Variants in TPX2 observed in about 807,000 individuals in gnomAD.
TPX2 encodes TPX2 microtubule nucleation factor.
A neutral mutation model predicts 93.6 loss-of-function variants in TPX2; 21 were observed. The ratio of observed to expected loss-of-function variants is 0.22; its 90% CI spans 0.16 to 0.32. The LOEUF (loss-of-function observed/expected upper bound fraction) is 0.32, where lower values mean the gene tolerates loss of function less well. Among genes scored for constraint, TPX2 ranks in the 10% least tolerant of loss-of-function variants. The pLI is 1.00. For missense variants in TPX2, 776 were observed against 871.1 expected, an observed-to-expected ratio of 0.89 and a Z score of 1.37; for synonymous variants, 281 against 298.3, an observed-to-expected ratio of 0.94 and a Z score of 0.60.
At position 31,801,743 on chromosome 20, in the gene TPX2, A is replaced by G. The variant is rs532493443; in HGVS notation, c.*663A>G. On this transcript the variant is annotated 3_prime_UTR_variant, in exon 18 of 18. Coordinates refer to ENST00000300403, the MANE Select transcript of TPX2 (RefSeq NM_012112.5). ...TTACTGGTGCTGATAACAACAGGGA[A>G]CCGTGCAGTGTGCATTTTAAGACCT... 1 of 152,352 alleles carries G rather than the reference A, an allele frequency of 6.6e-6. No homozygotes were observed. Among genetic ancestry groups the G allele is most frequent in the Admixed American group, 6.5e-5 (1 of 15,306 alleles). The allele number at this position is 152,352 out of a possible 1,614,324, so 9.4% of individuals were successfully genotyped here. A position where few individuals can be genotyped will look rare whatever the true frequency, so the allele number is the denominator to read the frequency against.
intron 2 of TPX2, among the ~76,000 whole-genome samples, chr20:31,744,512 A>C (rs1230254462): frequency 1.3e-5 from 2 of 151,632 alleles, no homozygotes; most frequent in South Asian, 4.2e-4. Context: ...GTCATTAATA[A>C]ATTTTCTTCT....
In TPX2 at chr20:31,783,834, G is replaced by T. The variant is rs2062049433; in HGVS notation, c.1326G>T (p.Gln442His). ...GFDLEIEKRIQERESKKKTED... is the reference protein window; with the variant it reads ...GFDLEIEKRIHERESKKKTED... The stretch of plus-strand genomic sequence containing the variant: ...ATTTGGAAATTGAGAAAAGAATCCA[G>T]GAGCGAGAATCAAAGAAGAAAACAG... Residue 442 changes from glutamine (Q) to histidine (H), a missense_variant, in exon 12 of 18, where the codon CAG (glutamine) becomes CAT (histidine). Transcript: ENST00000300403. The T allele has an allele frequency of 6.2e-7, 1 of 1,610,504 alleles. No homozygotes were observed. The highest frequency in any genetic ancestry group is 8.5e-7 in the Non-Finnish European group (1 of 1,179,320).
intron 17 of TPX2, among the ~76,000 whole-genome samples, 155 bp from the exon 18 acceptor site, chr20:31,800,815 C>G (rs140195709): frequency 2.0e-5 from 3 of 152,172 alleles, no homozygotes; most frequent in African/African-American, 7.2e-5. Context: ...TCCATCATAC[C>G]GTGTTGCCCC....
chr20:31,796,537 C>T (rs1219478391), intron 15 of TPX2, among the ~76,000 whole-genome samples: 6 of 152,202 alleles, frequency 3.9e-5, no homozygotes, highest in Non-Finnish European at 2.9e-5. Context: ...AGGCTCCTCT[C>T]TTTGCATTTT....
At chr20:31,740,832 A>C (rs1459438850) in intron 1 of TPX2, among the ~76,000 whole-genome samples, 1 of 152,160 alleles carries the variant, frequency 6.6e-6, no homozygotes, top group African/African-American at 2.4e-5. Flanking sequence ...TTAGACAGGG[A>C]CTGAAACAAT....
At chr20:31,773,458 A>G (rs1295080785) in intron 7 of TPX2, among the ~76,000 whole-genome samples, 1 of 149,524 alleles carries the variant, frequency 6.7e-6, no homozygotes, top group East Asian at 2.0e-4. Context: ...GCCCCGGCTA[A>G]TTTTTGTATT....
At position 31,771,568 on chromosome 20, in the gene TPX2, A is replaced by G. The variant is rs2061964550; in HGVS notation, c.494A>G (p.Asn165Ser). The G allele has an allele frequency of 6.2e-7, 1 of 1,611,214 alleles. No individual in the cohort carries two copies. The highest frequency in any genetic ancestry group is 8.5e-7 in the Non-Finnish European group (1 of 1,179,332). The change falls in exon 7 of 18, where the codon AAC becomes AGC. Residue 165 changes from asparagine to serine, a missense_variant. Physicochemically the swap from Asn to Ser is conservative, Grantham distance 46 (BLOSUM62 1). Transcript: ENST00000300403. ...GTCCTTTTGAACTCAAGTTCTAACA[A>G]CAAAAAGAAGCCAGAGGAAGAAGGC... The part of the protein sequence containing the change: ...LPSKKMKVSN[N>S]KKKPEEEGSA...
intron 2 of TPX2, among the ~76,000 whole-genome samples, chr20:31,750,972 A>G (rs975418054): frequency 6.6e-6 from 1 of 152,024 alleles, no homozygotes; most frequent in Non-Finnish European, 1.5e-5. Flanking sequence ...CAGTGGTGCA[A>G]TCGTGGGTCA....
intron 2 of TPX2, among the ~76,000 whole-genome samples, chr20:31,755,755 C>T (rs1307650985): frequency 2.0e-5 from 3 of 149,700 alleles, no homozygotes; most frequent in Middle Eastern, 3.4e-3. Context: ...AGTGAGACTC[C>T]GTCTCAAAAA....
intron 11 of TPX2, 71 bp downstream of exon 11, chr20:31,782,461 G>GT: frequency 6.6e-7 from 1 of 1,521,800 alleles, no homozygotes. Context: ...TTCTGTTAGG[G>GT]TGACAGTTGC....
chr20:31,739,986 A>C (rs543649703), intron 1 of TPX2, among the ~76,000 whole-genome samples: 3 of 152,212 alleles, frequency 2.0e-5, no homozygotes, highest in Non-Finnish European at 4.4e-5. Flanking sequence ...GTTGTCTTCT[A>C]TTTGGGATTT....
rs58919593 is a variant in TPX2 at position 31,766,941 on chromosome 20, A to T, written c.356+259A>T. Among the ~76,000 whole-genome samples the T allele has an allele frequency of 3.3e-5, 5 of 151,610 alleles. No individual in the cohort carries two copies. The East Asian group carries it at 9.7e-4, about 30-fold the overall frequency. The stretch of plus-strand genomic sequence containing the variant: ...CTCAGCCTCCTGAGTAGCTGGGATT[A>T]TAGGCACCTGCCACCACACCCGGCT... On this transcript the variant is annotated intron_variant, in intron 5 of 17. Transcript: ENST00000300403.
intron 2 of TPX2, among the ~76,000 whole-genome samples, chr20:31,756,307 T>C (rs537337885): frequency 6.6e-6 from 1 of 152,308 alleles, no homozygotes; most frequent in Middle Eastern, 3.4e-3. Flanking sequence ...CAAAGCACAA[T>C]TGGCTTTGGA....
At chr20:31,756,128 A>T (rs1301255609) in intron 2 of TPX2, among the ~76,000 whole-genome samples, 1 of 152,246 alleles carries the variant, frequency 6.6e-6, no homozygotes, top group Non-Finnish European at 1.5e-5. Context: ...CTTACTATGT[A>T]TAATGCACTG....
chr20:31,758,513 A>G (rs1346666140), intron 3 of TPX2, among the ~76,000 whole-genome samples: 2 of 152,216 alleles, frequency 1.3e-5, no homozygotes, highest in South Asian at 2.1e-4. Flanking sequence ...ATGTGGTTAC[A>G]TTTTTACATT....
At chr20:31,752,297 G>A (rs903192995) in intron 2 of TPX2, among the ~76,000 whole-genome samples, 3 of 152,166 alleles carry the variant, frequency 2.0e-5, no homozygotes, top group Non-Finnish European at 4.4e-5. Flanking sequence ...CTGTTTTCAG[G>A]AAAGAAAATT....
Position 31,770,236 on chromosome 20 carries a change from C to T in TPX2, c.357-107C>T, listed in dbSNP as rs902761522. On this transcript the variant is annotated intron_variant, in intron 5 of 17. Transcript: ENST00000300403. ...TTTTAGAGCAGAGATAATAGCACTC[C>T]ATTTTATTGCCCTTTGTAGTTTGAC... The T allele has an allele frequency of 7.0e-6, 5 of 712,148 alleles. No individual in the cohort carries two copies. The African/African-American group carries it at 7.4e-5, about 11-fold the overall frequency. The allele number at this position is 712,148 out of a possible 1,614,324, so 44.1% of individuals were successfully genotyped here.
At chr20:31,751,503 T>C (rs1240415952) in intron 2 of TPX2, among the ~76,000 whole-genome samples, 1 of 152,122 alleles carries the variant, frequency 6.6e-6, no homozygotes, top group Non-Finnish European at 1.5e-5. Context: ...ATCCTTTGAA[T>C]AGAAATGTGG....
chr20:31,795,219 C>T (rs542806424), intron 15 of TPX2, among the ~76,000 whole-genome samples: 18 of 152,180 alleles, frequency 1.2e-4, no homozygotes, highest in Non-Finnish European at 2.5e-4. Flanking sequence ...CTGCAACCTC[C>T]GTCTCCCAGG....
Sources: gnomAD v4.1 joint callset for allele counts (sites outside exome capture counted in the v4.1 genomes callset) on GRCh38, gnomAD v4.1.1 for gene constraint, MANE v1.5 for transcripts, NCBI Gene and HGNC (gene_info 2026-07-23, HGNC 2026-07-21) for gene names.